Variants in VWA3A observed in about 807,000 individuals in gnomAD.
The protein encoded by VWA3A is von Willebrand factor A domain-containing protein 3A.
A neutral mutation model predicts 160.4 loss-of-function variants in VWA3A; 134 were observed. That is an observed-to-expected ratio of 0.84 (90% CI 0.73 to 0.96). The LOEUF (loss-of-function observed/expected upper bound fraction) is 0.96, where lower values mean the gene tolerates loss of function less well. VWA3A is among the 40% of genes least tolerant of loss of function. VWA3A has a pLI of 0.00. For synonymous variants in VWA3A, 476 were observed against 543.4 expected (o/e 0.88, Z 1.72); for missense variants, 1,310 against 1,447.9 (o/e 0.90, Z 1.55).
chr16:22,111,077 C>G, intron 8 of VWA3A, 83 bp downstream of exon 8: 2 of 1,216,578 alleles, frequency 1.6e-6, no homozygotes, highest in Non-Finnish European at 2.3e-6. Flanking sequence ...AATAATTCAA[C>G]TGCAAACCCC....
At chr16:22,098,653 A>T (rs979077010) in intron 3 of VWA3A, among the ~76,000 whole-genome samples, 1 of 152,204 alleles carries the variant, frequency 6.6e-6, no homozygotes, top group African/African-American at 2.4e-5. Flanking sequence ...CATAATTAGC[A>T]TGGCCTAAAG....
chr16:22,153,417 T>C (rs2046384223), intron 31 of VWA3A, among the ~76,000 whole-genome samples: 1 of 152,198 alleles, frequency 6.6e-6, no homozygotes, highest in Non-Finnish European at 1.5e-5. Flanking sequence ...ACCCATGATC[T>C]TAAACTTTGT....
In VWA3A at chr16:22,156,080, G is replaced by C. The variant is rs1226949349; in HGVS notation, c.*63G>C. 1.1e-5 allele frequency: 8 copies of C among 710,670 alleles called. No individual in the cohort carries two copies. The highest frequency in any genetic ancestry group is 1.6e-5 in the Non-Finnish European group (7 of 430,752). 44.0% of individuals were successfully genotyped at this position (710,670 alleles called of 1,614,324 possible). The stretch of plus-strand genomic sequence containing the variant: ...CTCACTGAGCAAATCTCAGCCCCGA[G>C]GGCAGGATGGGATGAAATGCTGTGA... On this transcript the variant is annotated 3_prime_UTR_variant, in exon 34 of 34. Transcript: ENST00000389398.
intron 7 of VWA3A, 95 bp from the exon 8 acceptor site, chr16:22,110,793 A>C: frequency 2.5e-6 from 3 of 1,196,616 alleles, no homozygotes; most frequent in Non-Finnish European, 3.5e-6. Flanking sequence ...TACAGCTCAC[A>C]CCCAGCCCAG....
intron 27 of VWA3A, chr16:22,147,571 G>A (rs1354486340): frequency 5.7e-6 from 4 of 703,018 alleles, no homozygotes; most frequent in Non-Finnish European, 1.0e-5. Context: ...AATTCATTAG[G>A]TCCAGTCCTC....
intron 8 of VWA3A, among the ~76,000 whole-genome samples, chr16:22,113,363 CTTTTTTTTTTTTTT>C (rs569069206): frequency 1.3e-4 from 6 of 46,252 alleles, no homozygotes; most frequent in South Asian, 1.4e-3. Context: ...GGCTAATTTT[CTTTTTTTTTTTTTT>C]TTTTTTTTTT....
intron 1 of VWA3A, among the ~76,000 whole-genome samples, chr16:22,096,560 C>T (rs930005925): frequency 6.6e-6 from 1 of 152,068 alleles, no homozygotes; most frequent in African/African-American, 2.4e-5. Flanking sequence ...TCCAAAGCAA[C>T]ATAGTGAGAC....
At chr16:22,122,358 C>T (rs1353347602) in intron 14 of VWA3A, among the ~76,000 whole-genome samples, 1 of 149,766 alleles carries the variant, frequency 6.7e-6, no homozygotes, top group African/African-American at 2.5e-5. Context: ...GAAATCTGAA[C>T]AGGTGGAAGG....
intron 8 of VWA3A, among the ~76,000 whole-genome samples, chr16:22,115,023 T>G (rs2045610015): frequency 6.6e-6 from 1 of 152,018 alleles, no homozygotes; most frequent in African/African-American, 2.4e-5. Flanking sequence ...GCCAGGCTGG[T>G]CTTGAATTCC....
intron 10 of VWA3A, 34 bp downstream of exon 10, chr16:22,116,901 G>T: frequency 6.3e-7 from 1 of 1,596,758 alleles, no homozygotes. Flanking sequence ...GTGCCCCTTG[G>T]CTTTGGTGGT....
chr16:22,126,995 T>C (rs2045861559), intron 17 of VWA3A, among the ~76,000 whole-genome samples: 1 of 149,372 alleles, frequency 6.7e-6, no homozygotes, highest in East Asian at 1.9e-4. Flanking sequence ...AAATTATATA[T>C]AGTTTTAAAA....
chr16:22,156,110 C>G lies in VWA3A; in HGVS notation c.*93C>G. Reference sequence around the variant, plus strand: ...GGATGGGATGAAATGCTGTGACCTGCAGGAAACATGATTCCTGGTACCAGG... The same window carrying G: ...GGATGGGATGAAATGCTGTGACCTGGAGGAAACATGATTCCTGGTACCAGG... On this transcript the variant is annotated 3_prime_UTR_variant, in exon 34 of 34. Transcript: ENST00000389398. The G allele has an allele frequency of 1.6e-6, 1 of 614,942 alleles. No individual in the cohort carries two copies. The highest frequency in any genetic ancestry group is 2.8e-6 in the Non-Finnish European group (1 of 353,408). The allele number at this position is 614,942 out of a possible 1,614,324, so 38.1% of individuals were successfully genotyped here.
intron 30 of VWA3A, among the ~76,000 whole-genome samples, chr16:22,151,628 T>C (rs1279020120): frequency 6.6e-6 from 1 of 152,154 alleles, no homozygotes; most frequent in East Asian, 1.9e-4. Context: ...TCCCAGTGCT[T>C]TGGGAGACTG....
At chr16:22,099,206 C>T (rs537129835) in intron 3 of VWA3A, among the ~76,000 whole-genome samples, 5 of 152,170 alleles carry the variant, frequency 3.3e-5, no homozygotes, top group African/African-American at 1.2e-4. Context: ...AGCTGTATTT[C>T]CCTAGATATG....
At chr16:22,109,655 G>C in intron 7 of VWA3A, 75 bp downstream of exon 7, 1 of 1,325,326 alleles carries the variant, frequency 7.5e-7, no homozygotes, top group South Asian at 1.2e-5. Context: ...GCTTGCTGAC[G>C]AGCTTGTTTA....
rs377215054 is a variant in VWA3A, at chr16:22,109,731, G to A, written c.582+151G>A. On this transcript the variant is annotated intron_variant, in intron 7 of 33. Coordinates refer to ENST00000389398, the MANE Select transcript of VWA3A (RefSeq NM_173615.5). ...CACTTAATTAGCACCTGTGGTTAGAGAACTATGTTGAATTCTACAAAACCC... is the reference window on the plus strand; with the variant it reads ...CACTTAATTAGCACCTGTGGTTAGAAAACTATGTTGAATTCTACAAAACCC... Among the ~76,000 whole-genome samples the A allele has an allele frequency of 1.1e-4, 16 of 152,298 alleles. No individual in the cohort carries two copies. The South Asian group carries it at 1.9e-3, about 18-fold the overall frequency.
chr16:22,155,313 A>G (rs138290282), intron 31 of VWA3A, among the ~76,000 whole-genome samples: 4 of 152,072 alleles, frequency 2.6e-5, no homozygotes, highest in African/African-American at 9.6e-5. Context: ...AGATTCTGAC[A>G]CCATCGTACT....
chr16:22,123,526 AGCCCACCCAG>A, intron 15 of VWA3A, 77 bp from the exon 16 acceptor site: 1 of 1,609,676 alleles, frequency 6.2e-7, no homozygotes, highest in East Asian at 2.2e-5. Flanking sequence ...CATTCCCTGA[AGCCCACCCAG>A]GTACACGTAC....
Position 22,117,138 on chromosome 16 carries a change from G to A in VWA3A, c.952G>A (p.Val318Ile), listed in dbSNP as rs1388740010. ...TGTCCTGAAGAACCTTGCAGAAGCT[G>A]TTAGGGGCTACTACCACTGCTACAG... The part of the protein sequence containing the change: ...PAVLKNLAEA[V>I]RGYYHCYSPK... Residue 318 changes from valine (V) to isoleucine (I), a missense_variant, in exon 11 of 34, where the codon GTT becomes ATT. By Grantham distance (29) the Val-to-Ile change is conservative (BLOSUM62 3). Transcript: ENST00000389398. 6.3e-7 allele frequency: 1 copy of A among 1,585,070 alleles called. No homozygotes were observed. The highest frequency in any genetic ancestry group is 1.8e-5 in the Admixed American group (1 of 55,928).
Sources: allele counts gnomAD v4.1 joint callset (sites outside exome capture counted in the v4.1 genomes callset), GRCh38; gene constraint gnomAD v4.1.1; transcripts MANE v1.5; gene names NCBI Gene and HGNC (gene_info 2026-07-23, HGNC 2026-07-21).